COG7: variants seen among roughly 807,000 people sequenced by gnomAD.
COG7 encodes the protein conserved oligomeric Golgi complex subunit 7.
Under a neutral mutation model 91.5 loss-of-function variants are expected in COG7, and 49 were observed. That is an observed-to-expected ratio of 0.54 (90% CI 0.43 to 0.68). The LOEUF (loss-of-function observed/expected upper bound fraction) is 0.68. Ranked by LOEUF, COG7 falls within the 30% of genes least tolerant of loss-of-function variation. COG7 has a pLI of 0.00. For missense variants in COG7, 895 were observed against 961.3 expected, an observed-to-expected ratio of 0.93 and a Z score of 0.91; for synonymous variants, 365 against 388.7, an observed-to-expected ratio of 0.94 and a Z score of 0.72.
intron 16 of COG7, among the ~76,000 whole-genome samples, chr16:23,389,562 T>C (rs1963155721): frequency 6.6e-6 from 1 of 152,172 alleles, no homozygotes; most frequent in South Asian, 2.1e-4. Context: ...TTCCAAGCCC[T>C]GGCCCCCAGG....
At chr16:23,395,171 T>G (rs1474308765) in intron 14 of COG7, among the ~76,000 whole-genome samples, 1 of 152,198 alleles carries the variant, frequency 6.6e-6, no homozygotes, top group Non-Finnish European at 1.5e-5. Context: ...TTCATGTACT[T>G]AGTATAATCT....
At chr16:23,428,901 C>T (rs1487867574) in intron 6 of COG7, among the ~76,000 whole-genome samples, 2 of 152,006 alleles carry the variant, frequency 1.3e-5, no homozygotes, top group African/African-American at 4.8e-5. Context: ...CCATGTTGGC[C>T]AGGCTGCTCT....
At chr16:23,434,190 A>C (rs1963978022) in intron 5 of COG7, among the ~76,000 whole-genome samples, 1 of 152,188 alleles carries the variant, frequency 6.6e-6, no homozygotes, top group South Asian at 2.1e-4. Context: ...CGGGAGGATC[A>C]CTTGAGCCCA....
rs1964284433 is a variant in COG7 at position 23,452,755 on chromosome 16, C to G, written c.169+71G>C. 4 of 1,544,228 alleles carry G rather than the reference C, an allele frequency of 2.6e-6. No homozygotes were observed. In the Admixed American group the frequency reaches 5.8e-5, roughly 23 times the overall value. On this transcript the variant is annotated intron_variant, in intron 1 of 16. Transcript: ENST00000307149. The stretch of plus-strand genomic sequence containing the variant: ...GTGCCCCGCCCACCTGAGTGCCTCA[C>G]GCAAGTTCGGTGACCTCTGCCCAGC...
chr16:23,418,253 C>G lies in COG7; in HGVS notation c.1137+447G>C, dbSNP rs377576655. Reference sequence around the variant, plus strand: ...GGCAGGGTGGCACATGCCTGTAATTCCAGTACTTTGGAAGCCCAAGGTGGG... The same window carrying G: ...GGCAGGGTGGCACATGCCTGTAATTGCAGTACTTTGGAAGCCCAAGGTGGG... On this transcript the variant is annotated intron_variant, in intron 8 of 16. Coordinates refer to ENST00000307149, the MANE Select transcript of COG7 (RefSeq NM_153603.4). Among the ~76,000 whole-genome samples, 215 of 152,294 alleles carry G rather than the reference C, an allele frequency of 1.4e-3. 2 individuals carry two copies. Among genetic ancestry groups the G allele is most frequent in the African/African-American group, 5.1e-3 (210 of 41,556 alleles).
chr16:23,416,407 G>C (rs964463526), intron 9 of COG7: 1 of 164,878 alleles, frequency 6.1e-6, no homozygotes, highest in Non-Finnish European at 1.3e-5. Context: ...AAATGCCTAC[G>C]TGGAACTGCC....
chr16:23,391,928 T>C (rs1963203927), intron 16 of COG7: 1 of 981,508 alleles, frequency 1.0e-6, no homozygotes, highest in Non-Finnish European at 1.3e-6. Context: ...GGGCCTCCGT[T>C]CCCTATCGGT....
At chr16:23,452,773 T>C (rs138769706) in intron 1 of COG7, 53 bp downstream of exon 1, 191 of 1,568,462 alleles carry the variant, frequency 1.2e-4, no homozygotes, top group Non-Finnish European at 1.6e-4. Flanking sequence ...CGGTGACCTC[T>C]GCCCAGCCGA....
intron 5 of COG7, 23 bp from the exon 6 acceptor site, chr16:23,433,690 A>T (rs1296450056): frequency 1.2e-6 from 2 of 1,613,272 alleles, no homozygotes; most frequent in Admixed American, 1.7e-5. Context: ...AACAAAGGGA[A>T]CCTTATTGGG....
chr16:23,423,650 C>T (rs1466466380), intron 7 of COG7, among the ~76,000 whole-genome samples: 1 of 152,216 alleles, frequency 6.6e-6, no homozygotes, highest in Non-Finnish European at 1.5e-5. Flanking sequence ...ACAATAAACA[C>T]ACTCCCTGGA....
intron 12 of COG7, 25 bp downstream of exon 12, chr16:23,406,051 G>T: frequency 1.9e-6 from 3 of 1,605,720 alleles, no homozygotes; most frequent in Non-Finnish European, 2.6e-6. Flanking sequence ...TCATTTGCAA[G>T]AATGCCATTC....
chr16:23,404,554 T>C (rs1963429057), intron 12 of COG7, among the ~76,000 whole-genome samples: 1 of 152,198 alleles, frequency 6.6e-6, no homozygotes, highest in Non-Finnish European at 1.5e-5. Context: ...CCTGGGAGAA[T>C]AGCACTGAAG....
chr16:23,401,432 A>G (rs1350984789), intron 13 of COG7, among the ~76,000 whole-genome samples: 1 of 152,196 alleles, frequency 6.6e-6, no homozygotes, highest in Non-Finnish European at 1.5e-5. Flanking sequence ...GCAGAAGTAG[A>G]GGGAAAAGGA....
intron 13 of COG7, among the ~76,000 whole-genome samples, chr16:23,399,589 C>G (rs1393624282): frequency 2.0e-5 from 3 of 152,028 alleles, no homozygotes; most frequent in East Asian, 1.9e-4. Flanking sequence ...CCCTCTCCCC[C>G]CTGCAGACAC....
chr16:23,403,937 T>C, intron 12 of COG7, 103 bp from the exon 13 acceptor site: 2 of 1,403,406 alleles, frequency 1.4e-6, no homozygotes, highest in Non-Finnish European at 2.0e-6. Context: ...GGGGGTTCTA[T>C]GCAATAGTGG....
At chr16:23,390,214 T>A (rs2142056736) in intron 16 of COG7, 1 of 148,874 alleles carries the variant, frequency 6.7e-6, no homozygotes, top group African/African-American at 2.5e-5. Flanking sequence ...TTTTTTTTTC[T>A]TTTCTGAGAC....
intron 6 of COG7, 113 bp downstream of exon 6, chr16:23,433,432 G>C: frequency 7.3e-7 from 1 of 1,374,052 alleles, no homozygotes; most frequent in Non-Finnish European, 1.0e-6. Context: ...AGCAACAAAC[G>C]GGGAAGTTCT....
chr16:23,418,933 C>G, intron 7 of COG7, 106 bp from the exon 8 acceptor site: 1 of 960,024 alleles, frequency 1.0e-6, no homozygotes, highest in Non-Finnish European at 1.7e-6. Flanking sequence ...CCCATTTGAT[C>G]TCCAGAGGGG....
In COG7 at chr16:23,417,119, C is replaced by T. The variant is rs1596929858; in HGVS notation, c.1140G>A (p.Glu380=). Residue 380 remains glutamate, a splice_region_variant and synonymous_variant, in exon 9 of 17, where the codon GAG becomes GAA. Coordinates refer to ENST00000307149, the MANE Select transcript of COG7 (RefSeq NM_153603.4). ...LLIQMSAVPL[E]HGEVIDCVQE... The stretch of plus-strand genomic sequence containing the variant: ...GCACACAGTCAATCACTTCCCCATG[C>T]TCCTGGTCAGCAAATACAGACAAAG... The T allele has an allele frequency of 6.2e-7, 1 of 1,614,246 alleles. No individual in the cohort carries two copies. The highest frequency in any genetic ancestry group is 8.5e-7 in the Non-Finnish European group (1 of 1,180,040).
Sources: allele counts gnomAD v4.1 joint callset (sites outside exome capture counted in the v4.1 genomes callset), GRCh38; gene constraint gnomAD v4.1.1; transcripts MANE v1.5; gene names NCBI Gene and HGNC (gene_info 2026-07-23, HGNC 2026-07-21).